The following BNIP2 variants were observed in gnomAD, a reference collection of about 807,000 sequenced individuals.
The protein encoded by BNIP2 is BCL2 interacting protein 2.
BNIP2 carries 36 observed loss-of-function variants against 43.4 expected under a neutral mutation model. The ratio of observed to expected loss-of-function variants is 0.83; its 90% CI spans 0.64 to 1.10. The LOEUF is 1.10. Ranked by LOEUF, BNIP2 falls within the 50% of genes least tolerant of loss-of-function variation. BNIP2 has a pLI of 0.00. For missense variants in BNIP2, 417 were observed against 374.1 expected (o/e 1.11, Z -0.95); for synonymous variants, 146 against 121.0 (o/e 1.21, Z -1.35).
intron 1 of BNIP2, chr15:59,688,744 T>A: frequency 1.3e-6 from 2 of 1,535,630 alleles, no homozygotes; most frequent in Non-Finnish European, 1.7e-6. Flanking sequence ...GAAGTCCAAG[T>A]TTCTTTGTTC....
chr15:59,684,594 G>T (rs1893897917), intron 1 of BNIP2, among the ~76,000 whole-genome samples: 1 of 152,098 alleles, frequency 6.6e-6, no homozygotes, highest in African/African-American at 2.4e-5. Flanking sequence ...TATGACTAAA[G>T]GCTGAAAACT....
At chr15:59,677,024 G>A (rs1266482282) in intron 5 of BNIP2, 2 of 1,611,900 alleles carry the variant, frequency 1.2e-6, no homozygotes, top group African/African-American at 1.3e-5. Flanking sequence ...TCAGGAGACT[G>A]TTAATCATTG....
At chr15:59,667,783 T>C (rs943007016) in intron 9 of BNIP2, among the ~76,000 whole-genome samples, 17 of 152,254 alleles carry the variant, frequency 1.1e-4, no homozygotes, top group Non-Finnish European at 2.2e-4. Flanking sequence ...ACAGATAAAG[T>C]CTTAAAATTA....
chr15:59,689,127 G>A lies in BNIP2; in HGVS notation c.-58+8C>T, dbSNP rs754554155. The A allele has an allele frequency of 4.6e-6, 7 of 1,534,948 alleles. No individual in the cohort carries two copies. In the South Asian group the frequency reaches 7.2e-5, roughly 16 times the overall value. ...CCACCGTGCCGAGTTCTCCCAGGCCGCACTCACCCCGGAGGAAGCCTTGGC... is the reference window on the plus strand; with the variant it reads ...CCACCGTGCCGAGTTCTCCCAGGCCACACTCACCCCGGAGGAAGCCTTGGC... On this transcript the variant is annotated splice_region_variant and intron_variant, in intron 1 of 9. Coordinates refer to ENST00000607373, the MANE Select transcript of BNIP2 (RefSeq NM_004330.4).
chr15:59,671,722 G>A (rs1189707562), intron 6 of BNIP2, among the ~76,000 whole-genome samples: 1 of 152,164 alleles, frequency 6.6e-6, no homozygotes, highest in Non-Finnish European at 1.5e-5. Flanking sequence ...AACTGATTTG[G>A]CTCAATTATA....
At chr15:59,671,914 A>AC in intron 6 of BNIP2, among the ~76,000 whole-genome samples, 1 of 152,250 alleles carries the variant, frequency 6.6e-6, no homozygotes, top group East Asian at 1.9e-4. Flanking sequence ...TGTCTCTACC[A>AC]AAAATTAAGA....
At chr15:59,679,856 T>G in intron 3 of BNIP2, 88 bp from the exon 4 acceptor site, 1 of 1,154,836 alleles carries the variant, frequency 8.7e-7, no homozygotes. Flanking sequence ...TACCCCATTC[T>G]TGGGAAAAAA....
chr15:59,688,561 C>T, intron 1 of BNIP2: 1 of 769,314 alleles, frequency 1.3e-6, no homozygotes, highest in Non-Finnish European at 2.1e-6. Flanking sequence ...TCCAGAAATC[C>T]AAACCATTTT....
intron 9 of BNIP2, among the ~76,000 whole-genome samples, chr15:59,664,602 C>G (rs765371197): frequency 5.3e-5 from 8 of 151,906 alleles, no homozygotes; most frequent in Non-Finnish European, 1.2e-4. Context: ...AGGATGGTCT[C>G]GATCTCCTGA....
intron 4 of BNIP2, 86 bp downstream of exon 4, chr15:59,679,506 T>C: frequency 2.9e-6 from 4 of 1,376,166 alleles, no homozygotes; most frequent in South Asian, 1.4e-5. Flanking sequence ...GTAACAAATA[T>C]ATGAACTTTA....
At chr15:59,667,353 A>C (rs1892626991) in intron 9 of BNIP2, among the ~76,000 whole-genome samples, 1 of 152,230 alleles carries the variant, frequency 6.6e-6, no homozygotes, top group African/African-American at 2.4e-5. Context: ...TGTTTTGCTA[A>C]TTTAATTGCC....
At chr15:59,679,413 G>T (rs1314082021) in intron 4 of BNIP2, 179 bp downstream of exon 4, 6 of 530,908 alleles carry the variant, frequency 1.1e-5, no homozygotes. Flanking sequence ...GCAAATAAGA[G>T]GGGAAAAAAG....
chr15:59,677,211 G>A lies in BNIP2; in HGVS notation c.472+700C>T, dbSNP rs572596267. The A allele has an allele frequency of 3.8e-6, 6 of 1,595,388 alleles. No individual in the cohort carries two copies. The South Asian group carries it at 4.4e-5, about 12-fold the overall frequency. ...AGTGGAACCACATGGGATATCCCAA[G>A]TAGTACCCGTCTTCCAGAGTGCCAA... On this transcript the variant is annotated intron_variant, in intron 5 of 9. Transcript: ENST00000607373.
rs1892327655 is a variant in BNIP2, at chr15:59,662,440, G to A, written c.*1629C>T. 1 of 152,226 alleles carries A rather than the reference G, an allele frequency of 6.6e-6. No homozygotes were observed. The highest frequency in any genetic ancestry group is 1.5e-5 in the Non-Finnish European group (1 of 68,036). 9.4% of individuals were successfully genotyped at this position (152,226 alleles called of 1,614,324 possible). ...AGTTCAGGATCTGCCAAGAGCTGCT[G>A]GATCTGAGTTAAGTCAGGAGGCTGC... On this transcript the variant is annotated 3_prime_UTR_variant, in exon 10 of 10. Transcript: ENST00000607373.
intron 4 of BNIP2, chr15:59,678,563 G>C: frequency 9.1e-6 from 10 of 1,099,996 alleles, no homozygotes; most frequent in South Asian, 6.7e-5. Context: ...CTTCTCATTT[G>C]ATCAGTTTTA....
At chr15:59,677,333 C>T (rs1893369243) in intron 5 of BNIP2, 6 of 1,559,002 alleles carry the variant, frequency 3.8e-6, no homozygotes, top group Admixed American at 1.9e-5. Context: ...CCCCAGCGTT[C>T]AGAAGGCCAG....
intron 1 of BNIP2, 192 bp downstream of exon 1, chr15:59,688,943 G>T (rs1401930700): frequency 2.8e-6 from 4 of 1,449,816 alleles, no homozygotes; most frequent in South Asian, 2.9e-5. Context: ...AGCCAAGGGC[G>T]GGGACCTAAG....
At chr15:59,668,725 TG>T in intron 9 of BNIP2, 166 bp downstream of exon 9, 1 of 556,430 alleles carries the variant, frequency 1.8e-6, no homozygotes, top group Non-Finnish European at 3.1e-6. Context: ...GGGGATGGTG[TG>T]GGAAAATGGC....
chr15:59,681,488 G>A (rs1005832672), intron 2 of BNIP2, among the ~76,000 whole-genome samples: 3 of 145,320 alleles, frequency 2.1e-5, no homozygotes, highest in African/African-American at 5.1e-5. Context: ...TTGCTCGGTC[G>A]CCCAAGCTGG....
Sources: allele counts gnomAD v4.1 joint callset (sites outside exome capture counted in the v4.1 genomes callset), GRCh38; gene constraint gnomAD v4.1.1; transcripts MANE v1.5; gene names NCBI Gene and HGNC (gene_info 2026-07-23, HGNC 2026-07-21).